The following GRXCR2 variants were observed in gnomAD, a reference collection of about 807,000 sequenced individuals.
GRXCR2 encodes glutaredoxin domain-containing cysteine-rich protein 2.
GRXCR2 carries 23 observed loss-of-function variants against 24.8 expected under a neutral mutation model. That is an observed-to-expected ratio of 0.93 (90% CI 0.67 to 1.32). The LOEUF (loss-of-function observed/expected upper bound fraction) is 1.32. Ranked by LOEUF, GRXCR2 falls within the 40% of genes most tolerant of loss-of-function variation. The probability of loss-of-function intolerance (pLI) is 0.00; values close to 1 mark genes in which losing one functional copy is unlikely to be tolerated. For missense variants in GRXCR2, 315 were observed against 303.4 expected (o/e 1.04, Z -0.28); for synonymous variants, 130 against 116.1 (o/e 1.12, Z -0.77).
At chr5:145,879,332 T>C (rs909359380) in intron 2 of GRXCR2, among the ~76,000 whole-genome samples, 13 of 97,160 alleles carry the variant, frequency 1.3e-4, no homozygotes, top group African/African-American at 5.1e-4. Flanking sequence ...AGGCTCAAAA[T>C]AAAGGGATGG....
At chr5:145,882,434 T>C (rs1275422969) in intron 2 of GRXCR2, among the ~76,000 whole-genome samples, 1 of 152,218 alleles carries the variant, frequency 6.6e-6, no homozygotes, top group Non-Finnish European at 1.5e-5. Context: ...TCATCATCAC[T>C]GGTCATCGGA....
At chr5:145,864,374 G>A (rs1011182967) in intron 2 of GRXCR2, among the ~76,000 whole-genome samples, 2 of 152,192 alleles carry the variant, frequency 1.3e-5, no homozygotes, top group Non-Finnish European at 1.5e-5. Flanking sequence ...AGCTTTCTGG[G>A]ACAAGTAAGG....
chr5:145,872,893 A>T lies in GRXCR2; in HGVS notation c.76T>A (p.Ser26Thr). 2 of 1,614,164 alleles carry T rather than the reference A, an allele frequency of 1.2e-6. No homozygotes were observed. Among genetic ancestry groups the T allele is most frequent in the Non-Finnish European group, 1.7e-6 (2 of 1,180,004 alleles). Residue 26 changes from serine (S) to threonine (T), a missense_variant, in exon 1 of 3, where the codon TCC becomes ACC. Transcript: ENST00000377976. ...PRKVRFKISS[S>T]YSGRVLKQVF... The stretch of plus-strand genomic sequence containing the variant: ...TGCTTCAATACTCGACCGCTGTAGG[A>T]GGAGGAGATTTTAAATCGTACTTTC...
At chr5:145,926,410 C>T (rs6580392) in intron 2 of GRXCR2, among the ~76,000 whole-genome samples, 27,551 of 151,948 alleles carry the variant, frequency 0.18, 2,767 homozygotes, top group Non-Finnish European at 0.23. Context: ...TTGTATAAGG[C>T]GTAAGGAAGG....
At chr5:145,895,255 A>G (rs1361451106) in intron 2 of GRXCR2, among the ~76,000 whole-genome samples, 1 of 151,944 alleles carries the variant, frequency 6.6e-6, no homozygotes, top group African/African-American at 2.4e-5. Context: ...CACCACTCCT[A>G]TTCAACATAG....
At chr5:145,868,393 T>C (rs2149910534) in intron 1 of GRXCR2, among the ~76,000 whole-genome samples, 1 of 152,338 alleles carries the variant, frequency 6.6e-6, no homozygotes, top group East Asian at 1.9e-4. Flanking sequence ...ATTCAGGCTC[T>C]CTTTCTTGAA....
In GRXCR2 at chr5:145,928,924, A is replaced by G. The variant is rs1210273253; in HGVS notation, c.-70+6777T>C. On this transcript the variant is annotated intron_variant, in intron 2 of 3. Coordinates refer to the GRXCR2 transcript ENST00000639411. The stretch of plus-strand genomic sequence containing the variant: ...TATAATAAAAAAAAAGTATTACACT[A>G]GAATATACATTCATTATAGAACAAT... Among the ~76,000 whole-genome samples the G allele has an allele frequency of 2.0e-5, 3 of 152,168 alleles. No individual in the cohort carries two copies. In the East Asian group the frequency reaches 5.8e-4, roughly 29 times the overall value.
chr5:145,867,543 T>C (rs1053883585), intron 1 of GRXCR2, among the ~76,000 whole-genome samples: 1 of 152,254 alleles, frequency 6.6e-6, no homozygotes, highest in African/African-American at 2.4e-5. Context: ...GGATTTGTCA[T>C]GTGTTACTTA....
At chr5:145,907,060 G>A (rs534152437) in intron 2 of GRXCR2, among the ~76,000 whole-genome samples, 1 of 152,310 alleles carries the variant, frequency 6.6e-6, no homozygotes, top group Non-Finnish European at 1.5e-5. Flanking sequence ...GAGCAGCAAG[G>A]AGGCCGGGGT....
chr5:145,865,987 A>C (rs1024519907), intron 2 of GRXCR2, among the ~76,000 whole-genome samples: 2 of 74,956 alleles, frequency 2.7e-5, no homozygotes, highest in African/African-American at 1.6e-4. Flanking sequence ...AAAATAAAAA[A>C]AAATTAGGCA....
At chr5:145,908,455 G>A (rs1757119998) in intron 2 of GRXCR2, among the ~76,000 whole-genome samples, 4 of 152,112 alleles carry the variant, frequency 2.6e-5, no homozygotes, top group African/African-American at 9.7e-5. Flanking sequence ...ATCCTGGTGG[G>A]TTTCATCAGC....
intron 2 of GRXCR2, among the ~76,000 whole-genome samples, chr5:145,926,795 T>C (rs939115794): frequency 6.6e-6 from 1 of 152,238 alleles, no homozygotes; most frequent in Non-Finnish European, 1.5e-5. Flanking sequence ...GGGGATGCCA[T>C]TGAATCTATA....
intron 2 of GRXCR2, among the ~76,000 whole-genome samples, chr5:145,919,712 C>T (rs940652080): frequency 1.3e-5 from 2 of 152,052 alleles, no homozygotes; most frequent in African/African-American, 2.4e-5. Flanking sequence ...CTTTGTCATC[C>T]GCCTTCTAAA....
chr5:145,877,000 T>A (rs1756628368), upstream of GRXCR2, among the ~76,000 whole-genome samples: 1 of 150,774 alleles, frequency 6.6e-6, no homozygotes, highest in African/African-American at 2.4e-5. Context: ...ATTTTGAGTG[T>A]TTTTTTTTCT....
In GRXCR2 at chr5:145,912,485, C is replaced by T. The variant is rs1757178737; in HGVS notation, c.-70+23216G>A. Among the ~76,000 whole-genome samples, 2 of 152,148 alleles carry T rather than the reference C, an allele frequency of 1.3e-5. 1 individual carries two copies. Among genetic ancestry groups the T allele is most frequent in the Admixed American group, 1.3e-4 (2 of 15,274 alleles). On this transcript the variant is annotated intron_variant, in intron 2 of 3. Transcript: ENST00000639411. ...CAGCAATGAGCAACAAAACCCCTGC[C>T]CTCGTGGAGCTGACATCCCAGGGGC... is the stretch of plus-strand genomic sequence containing the variant.
intron 2 of GRXCR2, among the ~76,000 whole-genome samples, chr5:145,884,934 A>G (rs1412660465): frequency 6.6e-6 from 1 of 152,210 alleles, no homozygotes; most frequent in Non-Finnish European, 1.5e-5. Flanking sequence ...ATTATATTAG[A>G]TATGTGTCTT....
upstream of GRXCR2, among the ~76,000 whole-genome samples, chr5:145,876,488 A>C (rs903142271): frequency 2.4e-4 from 36 of 151,862 alleles, no homozygotes; most frequent in African/African-American, 6.5e-4. Context: ...AACTAGAAGA[A>C]TATTTTCTTC....
Position 145,872,849 on chromosome 5 carries a change from C to A in GRXCR2, c.120G>T (p.Gln40His). 1.2e-6 allele frequency: 2 copies of A among 1,614,164 alleles called. No individual in the cohort carries two copies. The highest frequency in any genetic ancestry group is 1.7e-6 in the Non-Finnish European group (2 of 1,180,020). ...RVLKQVFEDG[Q>H]ELESPKEEYP... Reference sequence around the variant, plus strand: ...ATTCCTCCTTTGGTGACTCTAATTCCTGCCCATCCTCAAAGACCTGCTTCA... The same window carrying A: ...ATTCCTCCTTTGGTGACTCTAATTCATGCCCATCCTCAAAGACCTGCTTCA... Residue 40 changes from glutamine (Q) to histidine (H), a missense_variant, in exon 1 of 3, where the codon CAG becomes CAT. Gln to His is a conservative substitution (Grantham distance 24, BLOSUM62 0). Transcript: ENST00000377976.
chr5:145,885,138 T>C (rs1178486564), intron 2 of GRXCR2, among the ~76,000 whole-genome samples: 1 of 152,034 alleles, frequency 6.6e-6, no homozygotes, highest in African/African-American at 2.4e-5. Context: ...TGTCTGTCTG[T>C]CTGTGTGTAT....
Sources: gnomAD v4.1 joint callset for allele counts (sites outside exome capture counted in the v4.1 genomes callset) on GRCh38, gnomAD v4.1.1 for gene constraint, MANE v1.5 for transcripts, NCBI Gene and HGNC (gene_info 2026-07-23, HGNC 2026-07-21) for gene names.